REEP1: variants seen among roughly 807,000 people sequenced by gnomAD.
REEP1 encodes receptor expression-enhancing protein 1.
REEP1 carries 22 observed loss-of-function variants against 40.3 expected under a neutral mutation model. The ratio of observed to expected loss-of-function variants is 0.55; its 90% confidence interval spans 0.39 to 0.78. The LOEUF (loss-of-function observed/expected upper bound fraction) is 0.78, where lower values mean the gene tolerates loss of function less well. REEP1 is among the 30% of genes least tolerant of loss of function. REEP1 has a pLI of 0.00. For synonymous variants in REEP1, 116 were observed against 139.2 expected, an observed-to-expected ratio of 0.83 and a Z score of 1.17; for missense variants, 280 against 361.1, an observed-to-expected ratio of 0.78 and a Z score of 1.82.
intron 1 of REEP1, among the ~76,000 whole-genome samples, chr2:86,302,050 T>C (rs1252350901): frequency 6.6e-6 from 1 of 152,260 alleles, no homozygotes; most frequent in Non-Finnish European, 1.5e-5. Context: ...TCCTGAAGCT[T>C]GACTTCCTCA....
At chr2:86,250,302 C>A (rs1676198694) in intron 5 of REEP1, among the ~76,000 whole-genome samples, 1 of 152,200 alleles carries the variant, frequency 6.6e-6, no homozygotes, top group African/African-American at 2.4e-5. Context: ...GAGGAAAGAG[C>A]AGCAGCCTGT....
At chr2:86,240,450 C>T (rs976779102) in intron 5 of REEP1, among the ~76,000 whole-genome samples, 2 of 152,186 alleles carry the variant, frequency 1.3e-5, no homozygotes, top group African/African-American at 2.4e-5. Context: ...GGGTCGAACC[C>T]GAGTGAGGAG....
At chr2:86,234,522 A>C (rs933948588) in intron 5 of REEP1, among the ~76,000 whole-genome samples, 23 of 152,170 alleles carry the variant, frequency 1.5e-4, no homozygotes, top group African/African-American at 5.6e-4. Flanking sequence ...TGTCTCAAAA[A>C]AATAAAAAGA....
chr2:86,297,498 G>C (rs76527963), intron 1 of REEP1, among the ~76,000 whole-genome samples: 4,589 of 152,314 alleles, frequency 0.03, 119 homozygotes, highest in East Asian at 0.07. Context: ...CCACTGGAAG[G>C]GCTGACATAG....
chr2:86,251,975 A>G lies in REEP1; in HGVS notation c.399T>C (p.Ala133=). 1 of 1,613,486 alleles carries G rather than the reference A, an allele frequency of 6.2e-7. No individual in the cohort carries two copies. Among genetic ancestry groups the G allele is most frequent in the East Asian group, 2.2e-5 (1 of 44,876 alleles). Residue 133 remains alanine (A), a synonymous_variant, in exon 5 of 9, where the codon GCT becomes GCC. Coordinates refer to ENST00000538924, the MANE Select transcript of REEP1 (RefSeq NM_001371279.1). ...KRGLNVAATA[A]VMAASKGQGA... ...ACAGTACCTTGGAAGCAGCCATCAC[A>G]GCCGCTGTGGCGGCCACGTTCAAGC...
chr2:86,279,774 C>T (rs1677963842), intron 2 of REEP1, among the ~76,000 whole-genome samples: 1 of 152,152 alleles, frequency 6.6e-6, no homozygotes, highest in African/African-American at 2.4e-5. Context: ...CTGGAAAAGG[C>T]AAGGACACAG....
At chr2:86,226,090 C>CCACCACCACCACCACCACCACCACCAT in intron 7 of REEP1, among the ~76,000 whole-genome samples, 1 of 142,940 alleles carries the variant, frequency 7.0e-6, no homozygotes, top group Admixed American at 7.0e-5. Context: ...ACCACCACCA[C>CCACCACCACCACCACCACCACCACCAT]CACCACCACC....
intron 5 of REEP1, among the ~76,000 whole-genome samples, chr2:86,238,028 A>T (rs1300388871): frequency 2.6e-5 from 4 of 152,038 alleles, no homozygotes; most frequent in African/African-American, 9.7e-5. Context: ...CTAAAAATAC[A>T]AAATTAGCCA....
chr2:86,319,233 C>T (rs1281503372), intron 1 of REEP1, among the ~76,000 whole-genome samples: 2 of 151,980 alleles, frequency 1.3e-5, no homozygotes, highest in Non-Finnish European at 1.5e-5. Context: ...CTGGAGGGGG[C>T]GAGGCTGAGA....
At chr2:86,274,865 C>T (rs1677659935) in intron 2 of REEP1, among the ~76,000 whole-genome samples, 1 of 152,168 alleles carries the variant, frequency 6.6e-6, no homozygotes, top group Admixed American at 6.5e-5. Context: ...GCAAGAAGCT[C>T]CAGAGCTCAG....
At chr2:86,314,952 C>T (rs188692090) in intron 1 of REEP1, among the ~76,000 whole-genome samples, 3 of 152,094 alleles carry the variant, frequency 2.0e-5, no homozygotes, top group Admixed American at 6.5e-5. Flanking sequence ...CTCCGTCTCC[C>T]GAAGTGCTAG....
At chr2:86,300,300 C>T (rs10200186) in intron 1 of REEP1, among the ~76,000 whole-genome samples, 51,934 of 151,978 alleles carry the variant, frequency 0.34, 9,824 homozygotes, top group Middle Eastern at 0.44. Context: ...CCTTCCTCTG[C>T]GCTGAGAACT....
intron 5 of REEP1, among the ~76,000 whole-genome samples, chr2:86,248,233 C>T (rs1676075786): frequency 6.6e-6 from 1 of 151,912 alleles, no homozygotes; most frequent in African/African-American, 2.4e-5. Context: ...GAAGAGTATT[C>T]TCACCATGCA....
At chr2:86,299,397 C>G (rs959471922) in intron 1 of REEP1, among the ~76,000 whole-genome samples, 2 of 152,194 alleles carry the variant, frequency 1.3e-5, no homozygotes, top group Non-Finnish European at 2.9e-5. Flanking sequence ...CCAAAAACAT[C>G]TCCAGACACC....
Position 86,261,902 on chromosome 2 carries a change from G to A in REEP1, c.182+2063C>T, listed in dbSNP as rs4392261. On this transcript the variant is annotated intron_variant, in intron 3 of 8. Coordinates refer to ENST00000538924, the MANE Select transcript of REEP1 (RefSeq NM_001371279.1). Reference sequence around the variant, plus strand: ...CCTTAGGGCTGGAGGTGGGACATGCGGGCAGCAATACTGCTTTGTAAAGCA... The same window carrying A: ...CCTTAGGGCTGGAGGTGGGACATGCAGGCAGCAATACTGCTTTGTAAAGCA... Among the ~76,000 whole-genome samples the A allele has an allele frequency of 8.2e-3, 1,250 of 152,318 alleles. 21 individuals carry two copies. The highest frequency in any genetic ancestry group is 0.029 in the African/African-American group (1,206 of 41,566).
At chr2:86,247,913 C>T (rs990763909) in intron 5 of REEP1, among the ~76,000 whole-genome samples, 1 of 152,018 alleles carries the variant, frequency 6.6e-6, no homozygotes, top group Non-Finnish European at 1.5e-5. Context: ...AAATTTTTTC[C>T]ACAATTCATG....
In REEP1 at chr2:86,235,372, G is replaced by A. The variant is rs764416744; in HGVS notation, c.418-2570C>T. 2.0e-4 allele frequency among the ~76,000 whole-genome samples: 31 copies of A among 152,126 alleles called. 1 individual carries two copies. Among genetic ancestry groups the A allele is most frequent in the Non-Finnish European group, 3.7e-4 (25 of 68,038 alleles). On this transcript the variant is annotated intron_variant, in intron 5 of 8. Transcript: ENST00000538924. Reference sequence around the variant, plus strand: ...TTTGCAGAAGAGGATCCAAATGGCCGGCTGCTCGTGCGGATTCAATGAGAT... The same window carrying A: ...TTTGCAGAAGAGGATCCAAATGGCCAGCTGCTCGTGCGGATTCAATGAGAT...
intron 3 of REEP1, among the ~76,000 whole-genome samples, chr2:86,260,586 C>T (rs1284762259): frequency 6.6e-6 from 1 of 152,250 alleles, no homozygotes; most frequent in South Asian, 2.1e-4. Context: ...AGAGATCCTC[C>T]CTAACTGGTG....
At chr2:86,236,077 G>A (rs1392483259) in intron 5 of REEP1, among the ~76,000 whole-genome samples, 4 of 152,076 alleles carry the variant, frequency 2.6e-5, no homozygotes, top group African/African-American at 4.8e-5. Context: ...TTAGCCAGGC[G>A]TGGTGGTGCA....
Sources: gnomAD v4.1 joint callset for allele counts (sites outside exome capture counted in the v4.1 genomes callset) on GRCh38, gnomAD v4.1.1 for gene constraint, MANE v1.5 for transcripts, NCBI Gene and HGNC (gene_info 2026-07-23, HGNC 2026-07-21) for gene names.